RASSF6: variants seen among roughly 807,000 people sequenced by gnomAD.
RASSF6 encodes the protein ras association domain-containing protein 6.
RASSF6 carries 52 observed loss-of-function variants against 44.0 expected under a neutral mutation model. The ratio of observed to expected loss-of-function variants is 1.18; its 90% CI spans 0.95 to 1.49. The LOEUF is 1.49. RASSF6 is among the 40% of genes most tolerant of loss of function. The pLI is 0.00. For missense variants in RASSF6, 464 were observed against 393.3 expected (o/e 1.18, Z -1.52); for synonymous variants, 162 against 124.6 (o/e 1.30, Z -2.00).
At chr4:73,592,238 T>C (rs938367422) in intron 4 of RASSF6, among the ~76,000 whole-genome samples, 1 of 152,224 alleles carries the variant, frequency 6.6e-6, no homozygotes, top group Non-Finnish European at 1.5e-5. Context: ...GGCTTAAATA[T>C]TTTTTCCAAA....
Position 73,574,057 on chromosome 4 carries a change from T to C in RASSF6, c.*2178A>G, listed in dbSNP as rs562485372. 2 of 152,496 alleles carry C rather than the reference T, an allele frequency of 1.3e-5. No individual in the cohort carries two copies. The highest frequency in any genetic ancestry group is 3.9e-4 in the East Asian group (2 of 5,186). 9.4% of individuals were successfully genotyped at this position (152,496 alleles called of 1,614,324 possible). A position where few individuals can be genotyped will look rare whatever the true frequency, so the allele number is the denominator to read the frequency against. Reference sequence around the variant, plus strand: ...TTTCTCCAGCATTTCTCCACTTGCTTCTCTAGCTTTTGCTTTGGGCAGTGG... The same window carrying C: ...TTTCTCCAGCATTTCTCCACTTGCTCCTCTAGCTTTTGCTTTGGGCAGTGG... On this transcript the variant is annotated 3_prime_UTR_variant, in exon 11 of 11. Transcript: ENST00000307439.
At chr4:73,592,676 A>G (rs765309929) in intron 4 of RASSF6, among the ~76,000 whole-genome samples, 1 of 152,218 alleles carries the variant, frequency 6.6e-6, no homozygotes, top group African/African-American at 2.4e-5. Context: ...GCTCTGTTGA[A>G]CAGGATTGGG....
At chr4:73,578,222 A>T (rs942825587) in intron 8 of RASSF6, among the ~76,000 whole-genome samples, 1 of 152,220 alleles carries the variant, frequency 6.6e-6, no homozygotes, top group South Asian at 2.1e-4. Context: ...CCCAAGAATG[A>T]CTGGAAGGAA....
chr4:73,597,208 T>C (rs1724991300), intron 3 of RASSF6, among the ~76,000 whole-genome samples: 2 of 152,194 alleles, frequency 1.3e-5, no homozygotes, highest in South Asian at 4.1e-4. Flanking sequence ...GGAGAATATT[T>C]TTGCAAACTA....
chr4:73,583,473 T>G (rs1425787015), intron 6 of RASSF6, among the ~76,000 whole-genome samples: 1 of 152,276 alleles, frequency 6.6e-6, no homozygotes, highest in East Asian at 1.9e-4. Context: ...AATCTAAGCC[T>G]TTAATATGTG....
chr4:73,603,705 A>G (rs538625029), intron 2 of RASSF6, among the ~76,000 whole-genome samples: 1 of 152,340 alleles, frequency 6.6e-6, no homozygotes, highest in East Asian at 1.9e-4. Context: ...CAATCTTATC[A>G]GGTATTTGGC....
At chr4:73,611,423 A>G (rs926486142) in intron 2 of RASSF6, among the ~76,000 whole-genome samples, 1 of 152,122 alleles carries the variant, frequency 6.6e-6, no homozygotes, top group Non-Finnish European at 1.5e-5. Context: ...ATTCTTTAGA[A>G]CTATCATTTA....
At chr4:73,617,910 C>T (rs1472155600) in intron 1 of RASSF6, among the ~76,000 whole-genome samples, 1 of 152,072 alleles carries the variant, frequency 6.6e-6, no homozygotes, top group African/African-American at 2.4e-5. Flanking sequence ...TATATGAAGC[C>T]CATGTAACTC....
At chr4:73,620,442 T>A (rs754152434), upstream of RASSF6, 1 of 1,547,620 alleles carries the variant, frequency 6.5e-7, no homozygotes, top group East Asian at 2.4e-5. Context: ...CACTCACCTG[T>A]AGGGGAGGTC....
chr4:73,608,288 T>C (rs1725785749), intron 2 of RASSF6, among the ~76,000 whole-genome samples: 1 of 151,866 alleles, frequency 6.6e-6, no homozygotes, highest in African/African-American at 2.4e-5. Context: ...TTTTTAAACC[T>C]CCTTAATTGA....
chr4:73,586,873 C>T (rs1528918), intron 5 of RASSF6, among the ~76,000 whole-genome samples: 41,582 of 150,084 alleles, frequency 0.28, 5,983 homozygotes, highest in Admixed American at 0.4. Context: ...ATCTGGGTTC[C>T]TGTGGAATAG....
intron 1 of RASSF6, among the ~76,000 whole-genome samples, chr4:73,617,439 C>A (rs545487026): frequency 1.4e-4 from 21 of 152,284 alleles, no homozygotes; most frequent in African/African-American, 4.1e-4. Flanking sequence ...CTCAGTCTGC[C>A]GACAGCATCT....
rs576777069 is a variant in RASSF6, at chr4:73,579,798, C to T, written c.721+2019G>A. 2.6e-5 allele frequency among the ~76,000 whole-genome samples: 4 copies of T among 151,868 alleles called. No homozygotes were observed. In the East Asian group the frequency reaches 7.7e-4, roughly 29 times the overall value. ...TATATCTTTTGGTTTTCTTTCTTTCCTAAACAACTAGAATATGAATATATA... is the reference window on the plus strand; with the variant it reads ...TATATCTTTTGGTTTTCTTTCTTTCTTAAACAACTAGAATATGAATATATA... On this transcript the variant is annotated intron_variant, in intron 8 of 10. Transcript: ENST00000307439.
At chr4:73,585,403 C>A in intron 5 of RASSF6, 39 bp from the exon 6 acceptor site, 1 of 1,396,264 alleles carries the variant, frequency 7.2e-7, no homozygotes, top group Non-Finnish European at 9.6e-7. Flanking sequence ...CATTCAGCTG[C>A]CTGTGTCCTA....
chr4:73,606,091 T>C (rs1725605271), intron 2 of RASSF6, among the ~76,000 whole-genome samples: 1 of 152,166 alleles, frequency 6.6e-6, no homozygotes, highest in South Asian at 2.1e-4. Flanking sequence ...AATAAAACAT[T>C]CTACCAAAAA....
At chr4:73,586,766 A>C (rs1036390184) in intron 5 of RASSF6, among the ~76,000 whole-genome samples, 17 of 151,932 alleles carry the variant, frequency 1.1e-4, no homozygotes, top group African/African-American at 3.4e-4. Flanking sequence ...TATATTTCTA[A>C]AAGATAATTG....
intron 2 of RASSF6, among the ~76,000 whole-genome samples, chr4:73,606,585 C>T (rs989871913): frequency 6.6e-6 from 1 of 151,936 alleles, no homozygotes; most frequent in Non-Finnish European, 1.5e-5. Context: ...TCTTGCTTCT[C>T]ATTTGTCTGT....
At chr4:73,580,403 G>A (rs1464989370) in intron 8 of RASSF6, among the ~76,000 whole-genome samples, 1 of 149,284 alleles carries the variant, frequency 6.7e-6, no homozygotes, top group African/African-American at 2.5e-5. Flanking sequence ...TGGGATGGCT[G>A]GGTCAAATGG....
intron 1 of RASSF6, among the ~76,000 whole-genome samples, chr4:73,612,874 A>T (rs1326821169): frequency 6.6e-6 from 1 of 151,956 alleles, no homozygotes; most frequent in African/African-American, 2.4e-5. Flanking sequence ...CTTCAATTCC[A>T]CTCAAACCTA....
Sources: allele counts gnomAD v4.1 joint callset (sites outside exome capture counted in the v4.1 genomes callset), GRCh38; gene constraint gnomAD v4.1.1; transcripts MANE v1.5; gene names NCBI Gene and HGNC (gene_info 2026-07-23, HGNC 2026-07-21).